TBCE: variants seen among roughly 807,000 people sequenced by gnomAD.
TBCE encodes tubulin-specific chaperone E.
TBCE carries 53 observed loss-of-function variants against 77.0 expected under a neutral mutation model. The ratio of observed to expected loss-of-function variants is 0.69; its 90% confidence interval spans 0.55 to 0.87. The LOEUF is 0.87. Among genes scored for constraint, TBCE ranks in the 40% least tolerant of loss-of-function variants. TBCE has a pLI of 0.00. For missense variants in TBCE, 624 were observed against 622.4 expected, an observed-to-expected ratio of 1.00 and a Z score of -0.03; for synonymous variants, 235 against 241.3, an observed-to-expected ratio of 0.97 and a Z score of 0.24.
At chr1:235,421,774 C>T (rs1680412524) in intron 5 of TBCE, among the ~76,000 whole-genome samples, 1 of 152,150 alleles carries the variant, frequency 6.6e-6, no homozygotes, top group African/African-American at 2.4e-5. Context: ...AGGTCTTTCC[C>T]CAATTCATTA....
chr1:235,434,236 G>A lies in TBCE; in HGVS notation c.693G>A (p.Leu231=), dbSNP rs747470605. ...GGTGTGTCGCGGGGTGCCCAGGCCT[G>A]GAGGAACTCTACCTTGAGTCTAACA... ...VLRCVAGCPG[L]EELYLESNNI... is the part of the protein sequence containing the mutation. The change falls in exon 8 of 17, where the codon CTG becomes CTA. Residue 231 remains leucine, a synonymous_variant. Coordinates refer to ENST00000642610, the MANE Select transcript of TBCE (RefSeq NM_003193.5). 1 of 1,614,012 alleles carries A rather than the reference G, an allele frequency of 6.2e-7. No individual in the cohort carries two copies. Among genetic ancestry groups the A allele is most frequent in the East Asian group, 2.2e-5 (1 of 44,888 alleles).
intron 3 of TBCE, among the ~76,000 whole-genome samples, chr1:235,413,144 A>C (rs557491761): frequency 8.5e-5 from 13 of 152,214 alleles, no homozygotes. Flanking sequence ...TTCTTTCTTT[A>C]AGAGTTAATG....
In TBCE at chr1:235,380,161, TTGTGTGTGTGTGTG is replaced by T. The variant is rs10524346; in HGVS notation, c.100+52_100+65del. ...CCCTCCCGTGGCAGGTAAGCAATTA[TTGTGTGTGTGTGTG>T]TGTGTGTGTGTGTGTGTGTGTGTGT... On this transcript the variant is annotated intron_variant, in intron 2 of 16. Transcript: ENST00000642610. The T allele has an allele frequency of 0.2, 221,324 of 1,131,552 alleles. 17,044 individuals carry two copies. The highest frequency in any genetic ancestry group is 0.22 in the Non-Finnish European group (165,236 of 767,528). The allele number at this position is 1,131,552 out of a possible 1,614,324, so 70.1% of individuals were successfully genotyped here.
intron 1 of TBCE, among the ~76,000 whole-genome samples, chr1:235,371,038 C>CTGT (rs1676911208): frequency 4.3e-5 from 1 of 23,310 alleles, no homozygotes. Context: ...TCACGCCTGG[C>CTGT]TTTTTTTTTT....
intron 1 of TBCE, among the ~76,000 whole-genome samples, chr1:235,374,689 CG>C (rs1677181180): frequency 1.4e-5 from 2 of 140,354 alleles, no homozygotes; most frequent in Non-Finnish European, 3.1e-5. Context: ...TTAGTAGAGA[CG>C]GGGTTTCACC....
chr1:235,379,531 AAAC>A (rs1454224383), intron 1 of TBCE, among the ~76,000 whole-genome samples: 2 of 151,796 alleles, frequency 1.3e-5, no homozygotes, highest in Non-Finnish European at 2.9e-5. Flanking sequence ...CCATCTTAAA[AAAC>A]AACAACAAGA....
chr1:235,371,024 G>A (rs570833160), intron 1 of TBCE, among the ~76,000 whole-genome samples: 3 of 123,708 alleles, frequency 2.4e-5, no homozygotes, highest in Non-Finnish European at 4.8e-5. Flanking sequence ...ACAGGTGTGA[G>A]CTATCACGCC....
chr1:235,372,104 C>T (rs1385095389), intron 1 of TBCE, among the ~76,000 whole-genome samples: 1 of 152,206 alleles, frequency 6.6e-6, no homozygotes, highest in Non-Finnish European at 1.5e-5. Flanking sequence ...ACCTAAGCCT[C>T]CCAAATACAT....
At chr1:235,370,942 A>C (rs1326862164) in intron 1 of TBCE, among the ~76,000 whole-genome samples, 1 of 136,690 alleles carries the variant, frequency 7.3e-6, no homozygotes, top group African/African-American at 2.7e-5. Context: ...GGGTTTCACC[A>C]TGTTGGTCAG....
At position 235,442,004 on chromosome 1, in the gene TBCE, GA is replaced by G. The variant is rs200524576; in HGVS notation, c.1339+126del. 1.5e-3 allele frequency: 1,231 copies of G among 804,602 alleles called. 2 individuals are homozygous for G. The highest frequency in any genetic ancestry group is 5.2e-3 in the Middle Eastern group (13 of 2,514). The allele number at this position is 804,602 out of a possible 1,614,324, so 49.8% of individuals were successfully genotyped here. On this transcript the variant is annotated intron_variant, in intron 14 of 16. Transcript: ENST00000642610. ...TAAGTAAATGCCTTGAGTTTTAAAT[GA>G]AAATTTTTTTTTTTTTTTTTGAGAC... is the stretch of plus-strand genomic sequence containing the variant.
intron 13 of TBCE, chr1:235,441,566 C>T (rs1224954060): frequency 3.8e-6 from 2 of 528,302 alleles, no homozygotes; most frequent in Non-Finnish European, 6.8e-6. Flanking sequence ...TGTTGAGTTT[C>T]ACTGGTCATT....
rs201318545 is a variant in TBCE at position 235,448,419 on chromosome 1, G to T, written c.1470G>T (p.Leu490=). 16 of 1,614,070 alleles carry T rather than the reference G, an allele frequency of 9.9e-6. No individual in the cohort carries two copies. In the East Asian group the frequency reaches 1.8e-4, roughly 18 times the overall value. Residue 490 remains leucine, a synonymous_variant, in exon 16 of 17, where the codon CTG becomes CTT. Transcript: ENST00000642610. The stretch of plus-strand genomic sequence containing the variant: ...TCAAAGTTCCTGTGTCAGACCTTCT[G>T]TTGTCCTATGAAAGTCCCAAAGTAA... ...RLLKVPVSDL[L]LSYESPKKPG...
intron 4 of TBCE, among the ~76,000 whole-genome samples, chr1:235,417,048 T>A (rs184186697): frequency 3.9e-5 from 6 of 152,356 alleles, no homozygotes; most frequent in African/African-American, 1.4e-4. Context: ...ACCTCTACTT[T>A]AAGCCATTGT....
chr1:235,376,453 G>GATA (rs1260649607), intron 1 of TBCE, among the ~76,000 whole-genome samples: 3 of 152,106 alleles, frequency 2.0e-5, no homozygotes, highest in African/African-American at 7.2e-5. Context: ...TCTGGATTTA[G>GATA]ATAATCCCTA....
intron 1 of TBCE, among the ~76,000 whole-genome samples, chr1:235,368,014 T>G (rs922969129): frequency 6.6e-6 from 1 of 152,202 alleles, no homozygotes; most frequent in Non-Finnish European, 1.5e-5. Flanking sequence ...CAAGCGATTC[T>G]GCTGCCTCAG....
chr1:235,371,082 T>C (rs1264402698), intron 1 of TBCE, among the ~76,000 whole-genome samples: 1 of 103,162 alleles, frequency 9.7e-6, no homozygotes, highest in Non-Finnish European at 1.8e-5. Context: ...TGAGACAGAG[T>C]GGTTGCTCTT....
chr1:235,388,102 C>G (rs1429634316), intron 2 of TBCE, among the ~76,000 whole-genome samples: 1 of 151,978 alleles, frequency 6.6e-6, no homozygotes, highest in Non-Finnish European at 1.5e-5. Context: ...TTACTGTGTA[C>G]CAGACACTTG....
intron 7 of TBCE, chr1:235,433,020 C>T (rs763085723): frequency 1.9e-5 from 29 of 1,537,498 alleles, no homozygotes; most frequent in East Asian, 7.3e-5. Context: ...TGGATCTGTG[C>T]GTGCTGCAGA....
intron 4 of TBCE, 64 bp downstream of exon 4, chr1:235,414,682 A>G (rs756511498): frequency 3.3e-6 from 5 of 1,513,436 alleles, no homozygotes; most frequent in Non-Finnish European, 4.6e-6. Context: ...GAATTGAAAT[A>G]CCCATGACTG....
Sources: allele counts gnomAD v4.1 joint callset (sites outside exome capture counted in the v4.1 genomes callset), GRCh38; gene constraint gnomAD v4.1.1; transcripts MANE v1.5; gene names NCBI Gene and HGNC (gene_info 2026-07-23, HGNC 2026-07-21).